Variants in SDCCAG8 observed in about 807,000 individuals in gnomAD.
The protein encoded by SDCCAG8 is serologically defined colon cancer antigen 8.
SDCCAG8 carries 74 observed loss-of-function variants against 101.8 expected under a neutral mutation model. That is an observed-to-expected ratio of 0.73 (90% CI 0.60 to 0.88). The LOEUF is 0.88. Ranked by LOEUF, SDCCAG8 falls within the 40% of genes least tolerant of loss-of-function variation. The pLI, the probability that SDCCAG8 is intolerant of heterozygous loss-of-function variation, is 0.00. For missense variants in SDCCAG8, 787 were observed against 822.6 expected, an observed-to-expected ratio of 0.96 and a Z score of 0.53; for synonymous variants, 281 against 292.9, an observed-to-expected ratio of 0.96 and a Z score of 0.41.
chr1:243,342,854 T>C (rs1193127900), intron 11 of SDCCAG8, among the ~76,000 whole-genome samples: 5 of 152,246 alleles, frequency 3.3e-5, no homozygotes, highest in Non-Finnish European at 5.9e-5. Flanking sequence ...TCTAGCTTTC[T>C]GAGGGCTACT....
chr1:243,464,672 A>G (rs1415645572), intron 16 of SDCCAG8, among the ~76,000 whole-genome samples: 3 of 152,232 alleles, frequency 2.0e-5, no homozygotes, highest in Non-Finnish European at 4.4e-5. Flanking sequence ...TTCGCAGACT[A>G]ACTAAGCTGC....
chr1:243,452,418 T>A (rs2083439206), intron 16 of SDCCAG8, among the ~76,000 whole-genome samples: 2 of 135,384 alleles, frequency 1.5e-5, no homozygotes, highest in African/African-American at 5.9e-5. Context: ...TCATCTCTTT[T>A]TTTTTTTTTT....
intron 12 of SDCCAG8, among the ~76,000 whole-genome samples, chr1:243,373,720 A>G (rs1177159371): frequency 6.6e-6 from 1 of 152,180 alleles, no homozygotes; most frequent in Non-Finnish European, 1.5e-5. Flanking sequence ...AAATGAAATT[A>G]TATGGCTAAG....
At chr1:243,477,091 G>C (rs115686517) in intron 16 of SDCCAG8, among the ~76,000 whole-genome samples, 71 of 152,164 alleles carry the variant, frequency 4.7e-4, no homozygotes, top group African/African-American at 1.7e-3. Context: ...TACAGTAGGT[G>C]AATTTGAATA....
intron 16 of SDCCAG8, among the ~76,000 whole-genome samples, chr1:243,457,532 C>G (rs1311560918): frequency 6.6e-6 from 1 of 152,166 alleles, no homozygotes; most frequent in African/African-American, 2.4e-5. Context: ...TGACTAGCAT[C>G]ATGCATTGAG....
chr1:243,448,929 C>G lies in SDCCAG8; in HGVS notation c.1985+22371C>G, dbSNP rs890346070. Among the ~76,000 whole-genome samples, 12 of 152,192 alleles carry G rather than the reference C, an allele frequency of 7.9e-5. No individual in the cohort carries two copies. The East Asian group carries it at 2.3e-3, about 29-fold the overall frequency. ...AAATTGTAGAAGGGTAAAAATGAGA[C>G]AAAAGCAGAACTTGATGTGTATGTG... is the stretch of plus-strand genomic sequence containing the variant. On this transcript the variant is annotated intron_variant, in intron 16 of 17. Transcript: ENST00000366541.
Position 243,456,331 on chromosome 1 carries a change from A to G in SDCCAG8, c.1985+29773A>G, listed in dbSNP as rs528698500. Among the ~76,000 whole-genome samples, 3 of 152,034 alleles carry G rather than the reference A, an allele frequency of 2.0e-5. No individual in the cohort carries two copies. In the East Asian group the frequency reaches 5.8e-4, roughly 29 times the overall value. On this transcript the variant is annotated intron_variant, in intron 16 of 17. Transcript: ENST00000366541. ...TGGCTGGCTTTGGGTCATGCAGATG[A>G]CCCAGGGTCACTGGGCTTTTCAGGT...
At position 243,368,313 on chromosome 1, in the gene SDCCAG8, G is replaced by A. The variant is rs532949184; in HGVS notation, c.1474-10408G>A. 1.8e-4 allele frequency among the ~76,000 whole-genome samples: 27 copies of A among 152,042 alleles called. No homozygotes were observed. In the South Asian group the frequency reaches 2.5e-3, roughly 14 times the overall value. ...AAATCATAACATTTGGGTGGTCATA[G>A]CATATTAAAGGATTCCTTTTATATG... On this transcript the variant is annotated intron_variant, in intron 12 of 17. Coordinates refer to ENST00000366541, the MANE Select transcript of SDCCAG8 (RefSeq NM_006642.5).
chr1:243,489,252 A>G, intron 17 of SDCCAG8, 112 bp downstream of exon 17: 3 of 1,406,002 alleles, frequency 2.1e-6, no homozygotes, highest in Non-Finnish European at 1.9e-6. Flanking sequence ...GTTAGCAGTA[A>G]GCTGGGAGGG....
intron 16 of SDCCAG8, chr1:243,476,135 G>A: frequency 2.0e-6 from 2 of 985,344 alleles, no homozygotes; most frequent in Non-Finnish European, 2.4e-6. Context: ...AATTCCTTTG[G>A]CTGCAGATTT....
chr1:243,284,568 CG>C (rs2069402071), intron 4 of SDCCAG8, among the ~76,000 whole-genome samples: 1 of 152,082 alleles, frequency 6.6e-6, no homozygotes, highest in Non-Finnish European at 1.5e-5. Flanking sequence ...TTAAGTTAGA[CG>C]AGATAGCTAG....
rs540669103 is a variant in SDCCAG8 at position 243,259,607 on chromosome 1, G to A, written c.67+3367G>A. Among the ~76,000 whole-genome samples the A allele has an allele frequency of 1.6e-4, 24 of 152,058 alleles. No individual in the cohort carries two copies. In the South Asian group the frequency reaches 5.0e-3, roughly 32 times the overall value. On this transcript the variant is annotated intron_variant, in intron 1 of 17. Coordinates refer to ENST00000366541, the MANE Select transcript of SDCCAG8 (RefSeq NM_006642.5). The stretch of plus-strand genomic sequence containing the variant: ...GGCCGAGGCGGGCAGATCACCTGAC[G>A]TCTGGAGTTCGAGAACAGCCTGAGC...
chr1:243,332,602 C>A (rs753400989), intron 10 of SDCCAG8, among the ~76,000 whole-genome samples: 7 of 144,444 alleles, frequency 4.8e-5, no homozygotes, highest in Non-Finnish European at 1.1e-4. Context: ...GTGATTATTG[C>A]GGTCTCAGTC....
chr1:243,453,133 G>T (rs371947601), intron 16 of SDCCAG8, among the ~76,000 whole-genome samples: 2 of 152,224 alleles, frequency 1.3e-5, no homozygotes, highest in Admixed American at 6.5e-5. Flanking sequence ...GAGATATCAT[G>T]ATGTTATTGG....
intron 9 of SDCCAG8, among the ~76,000 whole-genome samples, chr1:243,323,807 TAAACTC>T (rs1237603664): frequency 3.3e-5 from 5 of 152,204 alleles, no homozygotes; most frequent in Admixed American, 6.5e-5. Flanking sequence ...TCATTGGACT[TAAACTC>T]TATAGATTTG....
At chr1:243,376,574 ATCTTT>A (rs1032453617) in intron 12 of SDCCAG8, among the ~76,000 whole-genome samples, 1 of 152,200 alleles carries the variant, frequency 6.6e-6, no homozygotes, top group African/African-American at 2.4e-5. Flanking sequence ...CAAAAATTGT[ATCTTT>A]TCTTTTTAAA....
chr1:243,383,796 C>G (rs72759853), intron 13 of SDCCAG8, among the ~76,000 whole-genome samples: 16,713 of 152,196 alleles, frequency 0.11, 1,012 homozygotes, highest in South Asian at 0.15. Context: ...CTGATAGGCT[C>G]TCAACCTTCC....
At chr1:243,486,871 CATG>C (rs1665010086) in intron 16 of SDCCAG8, among the ~76,000 whole-genome samples, 2 of 152,346 alleles carry the variant, frequency 1.3e-5, no homozygotes, top group Non-Finnish European at 2.9e-5. Flanking sequence ...GCAGCAATGT[CATG>C]ATGTCATTTG....
intron 16 of SDCCAG8, among the ~76,000 whole-genome samples, chr1:243,439,026 G>A (rs1467971126): frequency 1.3e-5 from 2 of 152,216 alleles, no homozygotes; most frequent in African/African-American, 2.4e-5. Flanking sequence ...GATTAAATAT[G>A]AATGTTTATT....
Sources: allele counts gnomAD v4.1 joint callset (sites outside exome capture counted in the v4.1 genomes callset), GRCh38; gene constraint gnomAD v4.1.1; transcripts MANE v1.5; gene names NCBI Gene and HGNC (gene_info 2026-07-23, HGNC 2026-07-21).